Variants in PTPRD observed in about 807,000 individuals in gnomAD.
PTPRD encodes the protein protein tyrosine phosphatase receptor type D.
PTPRD carries 34 observed loss-of-function variants against 214.5 expected under a neutral mutation model. The ratio of observed to expected loss-of-function variants is 0.16; its 90% CI spans 0.12 to 0.21. PTPRD has a LOEUF of 0.21. PTPRD is among the 10% of genes least tolerant of loss of function. The probability of loss-of-function intolerance (pLI) is 1.00; values close to 1 mark genes in which losing one functional copy is unlikely to be tolerated. For synonymous variants in PTPRD, 1,128 were observed against 845.7 expected (o/e 1.33, Z -5.79); for missense variants, 2,545 against 2,398.7 (o/e 1.06, Z -1.27).
intron 5 of PTPRD, among the ~76,000 whole-genome samples, chr9:9,769,972 T>C (rs984243449): frequency 5.3e-5 from 8 of 152,172 alleles, no homozygotes; most frequent in African/African-American, 1.9e-4. Flanking sequence ...TATTCCATGG[T>C]GTATATGTGC....
chr9:8,960,816 G>A (rs988017530), intron 11 of PTPRD, among the ~76,000 whole-genome samples: 5 of 152,030 alleles, frequency 3.3e-5, no homozygotes, highest in Admixed American at 1.3e-4. Context: ...AATTATAAGT[G>A]GTTTGTGTAC....
intron 20 of PTPRD, among the ~76,000 whole-genome samples, chr9:8,519,231 A>C (rs551999387): frequency 6.6e-6 from 1 of 152,228 alleles, no homozygotes; most frequent in Admixed American, 6.5e-5. Flanking sequence ...TATGCATTCT[A>C]TATTCCACAT....
At chr9:8,790,407 G>C (rs989088334) in intron 11 of PTPRD, among the ~76,000 whole-genome samples, 7 of 126,494 alleles carry the variant, frequency 5.5e-5, no homozygotes, top group African/African-American at 1.7e-4. Context: ...AGGGAATCTT[G>C]TCTGTTTTTT....
intron 10 of PTPRD, among the ~76,000 whole-genome samples, chr9:9,150,889 G>C: frequency 6.6e-6 from 1 of 152,052 alleles, no homozygotes; most frequent in East Asian, 1.9e-4. Flanking sequence ...TCCTTGGGGC[G>C]GCCTGTTGAT....
intron 2 of PTPRD, among the ~76,000 whole-genome samples, chr9:10,496,801 T>C (rs1436621711): frequency 6.6e-6 from 1 of 152,044 alleles, no homozygotes; most frequent in Non-Finnish European, 1.5e-5. Flanking sequence ...TTTAACGGGG[T>C]TATGTGATTT....
chr9:9,538,493 G>A (rs184555690), intron 8 of PTPRD, among the ~76,000 whole-genome samples: 131 of 151,830 alleles, frequency 8.6e-4, no homozygotes, highest in African/African-American at 3.0e-3. Flanking sequence ...AATCTCTGTC[G>A]TCTTTAAAAT....
Position 8,499,769 on chromosome 9 carries a change from A to T in PTPRD, c.2200T>A (p.Ser734Thr), listed in dbSNP as rs371582630. 1.2e-6 allele frequency: 2 copies of T among 1,614,042 alleles called. No homozygotes were observed. The highest frequency in any genetic ancestry group is 1.7e-6 in the Non-Finnish European group (2 of 1,179,970). The change falls in exon 25 of 46, where the codon TCA becomes ACA. Residue 734 changes from serine to threonine, a missense_variant. Physicochemically the swap from Ser to Thr is moderately conservative, Grantham distance 58. Transcript: ENST00000381196. ...NSTSVKVSWR[S>T]PVPNKQHGQI... is the part of the protein sequence containing the mutation. Reference sequence around the variant, plus strand: ...CCATGCTGTTTATTGGGCACGGGTGAGCGCCATGAGACTTTAACAGATGTT... The same window carrying T: ...CCATGCTGTTTATTGGGCACGGGTGTGCGCCATGAGACTTTAACAGATGTT...
chr9:9,610,696 G>A (rs1209586614), intron 7 of PTPRD, among the ~76,000 whole-genome samples: 1 of 152,128 alleles, frequency 6.6e-6, no homozygotes, highest in East Asian at 1.9e-4. Flanking sequence ...TATTGGTTAA[G>A]CAGCATTTTA....
intron 9 of PTPRD, among the ~76,000 whole-genome samples, chr9:9,245,809 C>T (rs561220083): frequency 3.4e-4 from 51 of 152,110 alleles, no homozygotes; most frequent in South Asian, 2.5e-3. Flanking sequence ...TTGTCACATG[C>T]CCAGGAACGT....
chr9:9,801,444 C>G (rs1271867316), intron 5 of PTPRD, among the ~76,000 whole-genome samples: 2 of 152,028 alleles, frequency 1.3e-5, no homozygotes, highest in African/African-American at 4.8e-5. Flanking sequence ...ATAACCTGTT[C>G]TGAGTTTATA....
intron 9 of PTPRD, among the ~76,000 whole-genome samples, chr9:9,212,026 G>T (rs531524354): frequency 6.6e-6 from 1 of 151,604 alleles, no homozygotes; most frequent in African/African-American, 2.4e-5. Flanking sequence ...GAATATACTC[G>T]TCAATTCTGA....
At chr9:9,150,737 G>T (rs2154487981) in intron 10 of PTPRD, among the ~76,000 whole-genome samples, 1 of 152,116 alleles carries the variant, frequency 6.6e-6, no homozygotes, top group South Asian at 2.1e-4. Flanking sequence ...GCCTCCCAAA[G>T]GGCTGGGATT....
At chr9:10,068,469 A>G (rs1266685517) in intron 3 of PTPRD, among the ~76,000 whole-genome samples, 2 of 151,948 alleles carry the variant, frequency 1.3e-5, no homozygotes, top group East Asian at 3.9e-4. Flanking sequence ...TCTGCTACAC[A>G]TTCCATGCCC....
At position 9,556,658 on chromosome 9, in the gene PTPRD, G is replaced by C. The variant is rs574298244; in HGVS notation, c.-237+18074C>G. Among the ~76,000 whole-genome samples, 29 of 152,218 alleles carry C rather than the reference G, an allele frequency of 1.9e-4. No homozygotes were observed. In the South Asian group the frequency reaches 6.0e-3, roughly 32 times the overall value. On this transcript the variant is annotated intron_variant, in intron 8 of 45. Coordinates refer to ENST00000381196, the MANE Select transcript of PTPRD (RefSeq NM_002839.4). ...ATCTAAGATAAATGAATTGTTTAAA[G>C]TATATAACTTTGTCTTTGTATCTCT...
chr9:9,521,747 T>C (rs1437154144), intron 8 of PTPRD, among the ~76,000 whole-genome samples: 1 of 152,148 alleles, frequency 6.6e-6, no homozygotes, highest in African/African-American at 2.4e-5. Context: ...AGTAAATATA[T>C]ATTATGATCA....
At chr9:10,522,755 A>C (rs1209451192) in intron 2 of PTPRD, among the ~76,000 whole-genome samples, 1 of 152,104 alleles carries the variant, frequency 6.6e-6, no homozygotes, top group Non-Finnish European at 1.5e-5. Flanking sequence ...AAAGAAACTG[A>C]GGGTTCTTTC....
chr9:9,148,562 G>A (rs937332938), intron 10 of PTPRD, among the ~76,000 whole-genome samples: 3 of 152,094 alleles, frequency 2.0e-5, no homozygotes, highest in African/African-American at 7.2e-5. Flanking sequence ...ATCTACTATT[G>A]AAGATGAGAC....
intron 9 of PTPRD, among the ~76,000 whole-genome samples, chr9:9,369,525 G>A (rs1033235204): frequency 8.6e-5 from 13 of 151,874 alleles, no homozygotes; most frequent in African/African-American, 2.9e-4. Context: ...TTGTCAGATG[G>A]GTAGATTGCA....
chr9:9,092,959 G>A (rs751879792), intron 10 of PTPRD, among the ~76,000 whole-genome samples: 21 of 151,874 alleles, frequency 1.4e-4, no homozygotes, highest in Non-Finnish European at 2.2e-4. Flanking sequence ...GTAAATACAT[G>A]GACATAGCTA....
Sources: gnomAD v4.1 joint callset for allele counts (sites outside exome capture counted in the v4.1 genomes callset) on GRCh38, gnomAD v4.1.1 for gene constraint, MANE v1.5 for transcripts, NCBI Gene and HGNC (gene_info 2026-07-23, HGNC 2026-07-21) for gene names.